The following EML5 variants were observed in gnomAD, a reference collection of about 807,000 sequenced individuals.
EML5 encodes the protein echinoderm microtubule-associated protein-like 5.
Under a neutral mutation model 250.0 loss-of-function variants are expected in EML5, and 120 were observed. That is an observed-to-expected ratio of 0.48 (90% CI 0.41 to 0.56). The LOEUF (loss-of-function observed/expected upper bound fraction) is 0.56. EML5 is among the 20% of genes least tolerant of loss of function. The probability of loss-of-function intolerance (pLI) is 0.00; values close to 1 mark genes in which losing one functional copy is unlikely to be tolerated. For missense variants in EML5, 2,006 were observed against 2,437.6 expected, an observed-to-expected ratio of 0.82 and a Z score of 3.73; for synonymous variants, 771 against 806.5, an observed-to-expected ratio of 0.96 and a Z score of 0.75.
chr14:88,648,683 C>T (rs2091471268), intron 28 of EML5, among the ~76,000 whole-genome samples: 1 of 152,034 alleles, frequency 6.6e-6, no homozygotes, highest in South Asian at 2.1e-4. Flanking sequence ...TATGAAGTGG[C>T]CTCCCAACCT....
At chr14:88,767,286 A>T (rs2094333264) in intron 1 of EML5, among the ~76,000 whole-genome samples, 1 of 152,208 alleles carries the variant, frequency 6.6e-6, no homozygotes, top group East Asian at 1.9e-4. Context: ...GGATGATTGT[A>T]GGTCAGTTCT....
chr14:88,782,956 G>A (rs2094512004), intron 1 of EML5, among the ~76,000 whole-genome samples: 1 of 152,146 alleles, frequency 6.6e-6, no homozygotes, highest in African/African-American at 2.4e-5. Flanking sequence ...GCACACACCT[G>A]TAGTCCCAGC....
At chr14:88,654,554 G>A (rs1018638551) in intron 27 of EML5, among the ~76,000 whole-genome samples, 3 of 152,136 alleles carry the variant, frequency 2.0e-5, no homozygotes, top group Admixed American at 6.6e-5. Flanking sequence ...AGTAATTCAG[G>A]AGCAGGTTGT....
At chr14:88,689,316 G>C (rs924796539) in intron 17 of EML5, among the ~76,000 whole-genome samples, 3 of 147,150 alleles carry the variant, frequency 2.0e-5, no homozygotes, top group African/African-American at 7.4e-5. Context: ...ACTGTTTTCC[G>C]AAGTTTATAT....
chr14:88,785,316 A>G lies in EML5; in HGVS notation c.197+6991T>C, dbSNP rs140773218. Among the ~76,000 whole-genome samples, 131 of 152,300 alleles carry G rather than the reference A, an allele frequency of 8.6e-4. 2 individuals carry two copies. Among genetic ancestry groups the G allele is most frequent in the African/African-American group, 3.1e-3 (128 of 41,564 alleles). ...CAGTAATAATTTAATTGTACATTTT[A>G]GAATAACTAAAAGGTTGCAACTGGA... On this transcript the variant is annotated intron_variant, in intron 1 of 43. Coordinates refer to ENST00000554922, the MANE Select transcript of EML5 (RefSeq NM_183387.3).
chr14:88,761,534 T>C (rs1208964764), intron 1 of EML5, among the ~76,000 whole-genome samples: 1 of 152,242 alleles, frequency 6.6e-6, no homozygotes, highest in East Asian at 1.9e-4. Context: ...AACTCATCCT[T>C]TTTATGGCTG....
At chr14:88,661,486 A>G (rs1392385273) in intron 25 of EML5, among the ~76,000 whole-genome samples, 168 bp downstream of exon 25, 1 of 152,230 alleles carries the variant, frequency 6.6e-6, no homozygotes, top group Non-Finnish European at 1.5e-5. Flanking sequence ...GGGATTATAA[A>G]TTACAATACT....
At chr14:88,756,543 T>C (rs2094162329) in intron 1 of EML5, among the ~76,000 whole-genome samples, 1 of 152,068 alleles carries the variant, frequency 6.6e-6, no homozygotes, top group Non-Finnish European at 1.5e-5. Flanking sequence ...AGTAAAGATC[T>C]CTATTGGCAG....
At position 88,696,872 on chromosome 14, in the gene EML5, A is replaced by G. The variant is rs202124674; in HGVS notation, c.2319T>C (p.Tyr773=). The part of the protein sequence containing the change: ...PLSILKGHHQ[Y]GVSAVDFSAD... ...CTGAGAAATCAACGGCACTAACACC[A>G]TACTGGTGGTGGCCCTTTAATATGG... is the stretch of plus-strand genomic sequence containing the variant. Residue 773 remains tyrosine (Y), a synonymous_variant, in exon 15 of 44, where the codon TAT becomes TAC. Coordinates refer to ENST00000554922, the MANE Select transcript of EML5 (RefSeq NM_183387.3). The G allele has an allele frequency of 3.5e-5, 57 of 1,608,604 alleles. No homozygotes were observed. Among genetic ancestry groups the G allele is most frequent in the Non-Finnish European group, 4.6e-5 (54 of 1,177,460 alleles).
chr14:88,731,338 G>A (rs535198230), intron 7 of EML5, among the ~76,000 whole-genome samples: 9 of 150,680 alleles, frequency 6.0e-5, no homozygotes, highest in Admixed American at 4.0e-4. Flanking sequence ...TTGTCCTTGC[G>A]ATAGTTTGCT....
chr14:88,652,503 C>A (rs2091677429), intron 27 of EML5, among the ~76,000 whole-genome samples: 1 of 152,162 alleles, frequency 6.6e-6, no homozygotes, highest in Non-Finnish European at 1.5e-5. Context: ...GTAGTCATTT[C>A]TATCTCTCTG....
Position 88,792,200 on chromosome 14 carries a change from G to C in EML5, c.197+107C>G, listed in dbSNP as rs2140910472. The C allele has an allele frequency of 1.5e-6, 2 of 1,336,178 alleles. No individual in the cohort carries two copies. The highest frequency in any genetic ancestry group is 5.0e-5 in the Admixed American group (2 of 40,288). The allele number at this position is 1,336,178 out of a possible 1,614,324, so 82.8% of individuals were successfully genotyped here. A position where few individuals can be genotyped will look rare whatever the true frequency, so the allele number is the denominator to read the frequency against. On this transcript the variant is annotated intron_variant, in intron 1 of 43. Coordinates refer to ENST00000554922, the MANE Select transcript of EML5 (RefSeq NM_183387.3). The surrounding 1 kb of genome is among the most constrained non-coding windows in gnomAD (Gnocchi z 6.9). ...AGAGAGACAGCTGCGGATTCCCCTCGGGGTGATGCTCCGTGCAGGAGCGGT... is the reference window on the plus strand; with the variant it reads ...AGAGAGACAGCTGCGGATTCCCCTCCGGGTGATGCTCCGTGCAGGAGCGGT...
At position 88,705,512 on chromosome 14, in the gene EML5, T is replaced by C. The variant is rs771853097; in HGVS notation, c.1902A>G (p.Glu634=). 4 of 1,603,832 alleles carry C rather than the reference T, an allele frequency of 2.5e-6. No individual in the cohort carries two copies. Among genetic ancestry groups the C allele is most frequent in the Non-Finnish European group, 3.4e-6 (4 of 1,174,628 alleles). ...GACGGTAGGTGAGCTGTGTCTCTTG[T>C]TCAATTTCAGAATCCAGTTCTGGAA... is the stretch of plus-strand genomic sequence containing the variant. ...SDVPELDSEI[E]QETQLTYRRQ... The change falls in exon 12 of 44, where the codon GAA becomes GAG. Residue 634 remains glutamate (E), a synonymous_variant. Transcript: ENST00000554922.
At chr14:88,743,561 TCA>T (rs1182861126) in intron 4 of EML5, among the ~76,000 whole-genome samples, 1 of 152,042 alleles carries the variant, frequency 6.6e-6, no homozygotes. Flanking sequence ...GTAACAGCAG[TCA>T]CAGTTTTAAA....
chr14:88,679,917 C>T (rs943169045), intron 21 of EML5, among the ~76,000 whole-genome samples: 3 of 151,986 alleles, frequency 2.0e-5, no homozygotes, highest in Non-Finnish European at 4.4e-5. Context: ...GCCTTTTAGG[C>T]CATTGGAAAA....
intron 1 of EML5, among the ~76,000 whole-genome samples, chr14:88,775,968 G>C (rs1276065558): frequency 6.6e-6 from 1 of 151,430 alleles, no homozygotes; most frequent in Non-Finnish European, 1.5e-5. Context: ...GTAAGAGTGT[G>C]CCTGCCTGGT....
intron 35 of EML5, 124 bp from the exon 36 acceptor site, chr14:88,625,251 T>C: frequency 1.8e-6 from 2 of 1,139,072 alleles, no homozygotes; most frequent in East Asian, 2.6e-5. Flanking sequence ...CATCGTGTAG[T>C]GGCAGCAGCA....
At chr14:88,758,477 G>C (rs528276501) in intron 1 of EML5, among the ~76,000 whole-genome samples, 2 of 152,174 alleles carry the variant, frequency 1.3e-5, no homozygotes, top group African/African-American at 4.8e-5. Flanking sequence ...TTACAGGCAT[G>C]AGCCACCGCG....
chr14:88,660,875 G>C (rs1382838726), intron 25 of EML5, among the ~76,000 whole-genome samples: 1 of 151,858 alleles, frequency 6.6e-6, no homozygotes, highest in East Asian at 1.9e-4. Context: ...TACGAAAGCA[G>C]AAAAAAAGAA....
Sources: allele counts gnomAD v4.1 joint callset (sites outside exome capture counted in the v4.1 genomes callset), GRCh38; gene constraint gnomAD v4.1.1; non-coding constraint Gnocchi (gnomAD v3.1); transcripts MANE v1.5; gene names NCBI Gene and HGNC (gene_info 2026-07-23, HGNC 2026-07-21).